GAD2: variants seen among roughly 807,000 people sequenced by gnomAD.
GAD2 encodes 65 kDa glutamic acid decarboxylase.
Under a neutral mutation model 80.1 loss-of-function variants are expected in GAD2, and 22 were observed. The observed-to-expected ratio is 0.27, with a 90% CI of 0.20 to 0.39. GAD2 has a LOEUF of 0.39. GAD2 is among the 10% of genes least tolerant of loss of function. The pLI is 1.00. For synonymous variants in GAD2, 274 were observed against 256.9 expected, an observed-to-expected ratio of 1.07 and a Z score of -0.64; for missense variants, 624 against 738.4, an observed-to-expected ratio of 0.85 and a Z score of 1.80.
rs758705662 is a variant in GAD2, at chr10:26,219,246, C to G, written c.490C>G (p.Gln164Glu). Residue 164 changes from glutamine (Q) to glutamate (E), a missense_variant, in exon 4 of 16, where the codon CAA (glutamine) becomes GAA (glutamate). Gln to Glu is a conservative substitution (Grantham distance 29, BLOSUM62 2). Coordinates refer to ENST00000376261, the MANE Select transcript of GAD2 (RefSeq NM_001134366.2). ...QNLEEILMHC[Q>E]TTLKYAIKTG... ...TTTGGAGGAAATTTTGATGCATTGCCAAACAACTCTAAAATATGCAATTAA... is the reference window on the plus strand; with the variant it reads ...TTTGGAGGAAATTTTGATGCATTGCGAAACAACTCTAAAATATGCAATTAA... 3 of 1,611,416 alleles carry G rather than the reference C, an allele frequency of 1.9e-6. No homozygotes were observed. In the Admixed American group the frequency reaches 5.0e-5, roughly 27 times the overall value.
rs183294587 is a variant in GAD2 at position 26,237,413 on chromosome 10, G to A, written c.840+7636G>A. 4.6e-5 allele frequency among the ~76,000 whole-genome samples: 7 copies of A among 152,088 alleles called. No individual in the cohort carries two copies. In the South Asian group the frequency reaches 6.2e-4, roughly 14 times the overall value. On this transcript the variant is annotated intron_variant, in intron 7 of 15. Coordinates refer to ENST00000376261, the MANE Select transcript of GAD2 (RefSeq NM_001134366.2). ...ATGGGGATGATGATACCCAGCTCCCGTAGCTGTGGGGAGGATGAAGCAAGA... is the reference window on the plus strand; with the variant it reads ...ATGGGGATGATGATACCCAGCTCCCATAGCTGTGGGGAGGATGAAGCAAGA...
intron 11 of GAD2, among the ~76,000 whole-genome samples, chr10:26,280,353 C>T (rs2132311676): frequency 6.6e-6 from 1 of 152,290 alleles, no homozygotes; most frequent in East Asian, 1.9e-4. Flanking sequence ...GTGGTCAGAG[C>T]ACAGTTTGGT....
At chr10:26,300,696 T>A (rs928197) in intron 15 of GAD2, 92 bp from the exon 16 acceptor site, 241,856 of 1,204,716 alleles carry the variant, frequency 0.2, 25,604 homozygotes, top group African/African-American at 0.32. Flanking sequence ...ACTGTTGAGC[T>A]AAAAACTAAA....
chr10:26,274,091 C>T (rs1160039932), intron 11 of GAD2, among the ~76,000 whole-genome samples: 1 of 152,040 alleles, frequency 6.6e-6, no homozygotes, highest in Non-Finnish European at 1.5e-5. Context: ...ATAATATCCA[C>T]TGCTTAAAAA....
chr10:26,217,570 C>T lies in GAD2; in HGVS notation c.77-40C>T, dbSNP rs747933862. ...ATTTCACACGTCCGTCTGTTGTTCTCTTTCTGCCTCGCTGTCTGCCTGCCT... is the reference window on the plus strand; with the variant it reads ...ATTTCACACGTCCGTCTGTTGTTCTTTTTCTGCCTCGCTGTCTGCCTGCCT... On this transcript the variant is annotated intron_variant, in intron 1 of 15. Coordinates refer to ENST00000376261, the MANE Select transcript of GAD2 (RefSeq NM_001134366.2). This position sits in a 1 kb window ranked among gnomAD's most constrained non-coding sequence, Gnocchi z 4.9. The T allele has an allele frequency of 6.3e-6, 10 of 1,586,998 alleles. No individual in the cohort carries two copies. The highest frequency in any genetic ancestry group is 3.3e-4 in the Middle Eastern group (2 of 6,030).
intron 7 of GAD2, 24 bp downstream of exon 7, chr10:26,229,801 G>A (rs1473258467): frequency 6.4e-7 from 1 of 1,551,196 alleles, no homozygotes. Flanking sequence ...TTCCTTGCAA[G>A]TTTAAGGTTA....
chr10:26,269,122 G>T lies in GAD2; in HGVS notation c.924G>T (p.Gly308=). Reference sequence around the variant, plus strand: ...CTATATTTCTTTTTCCTTCCAGAGGGAAAATGATTCCATCTGATCTTGAAA... The same window carrying T: ...CTATATTTCTTTTTCCTTCCAGAGGTAAAATGATTCCATCTGATCTTGAAA... The part of the protein sequence containing the change: ...SVILIKCDER[G]KMIPSDLERR... The change falls in exon 9 of 16, where the codon GGG becomes GGT. Residue 308 remains glycine (G), a synonymous_variant. Transcript: ENST00000376261. 1.3e-6 allele frequency: 2 copies of T among 1,589,788 alleles called. No individual in the cohort carries two copies. The highest frequency in any genetic ancestry group is 1.7e-6 in the Non-Finnish European group (2 of 1,167,192).
At chr10:26,266,870 A>G (rs1845080176) in intron 8 of GAD2, among the ~76,000 whole-genome samples, 1 of 152,172 alleles carries the variant, frequency 6.6e-6, no homozygotes, top group Non-Finnish European at 1.5e-5. Context: ...TATGTTTGGC[A>G]CCTTTGAGTT....
At chr10:26,250,789 C>T (rs1175353339) in intron 8 of GAD2, among the ~76,000 whole-genome samples, 4 of 151,638 alleles carry the variant, frequency 2.6e-5, no homozygotes, top group Admixed American at 2.6e-4. Flanking sequence ...CATAGTTCCA[C>T]TGTACAAAGA....
chr10:26,257,415 C>T (rs747915952), intron 8 of GAD2, among the ~76,000 whole-genome samples: 6 of 152,152 alleles, frequency 3.9e-5, no homozygotes, highest in Non-Finnish European at 8.8e-5. Context: ...CACCTTCTTC[C>T]ACTCATTCTC....
chr10:26,289,133 A>G (rs1230367955), intron 13 of GAD2, among the ~76,000 whole-genome samples: 1 of 152,100 alleles, frequency 6.6e-6, no homozygotes, highest in Non-Finnish European at 1.5e-5. Context: ...GCTAAGTCCT[A>G]CAATCTAGAT....
At chr10:26,253,949 G>A (rs1424736733) in intron 8 of GAD2, among the ~76,000 whole-genome samples, 2 of 152,122 alleles carry the variant, frequency 1.3e-5, no homozygotes, top group African/African-American at 4.8e-5. Flanking sequence ...AGGGGCGGGG[G>A]TGGCAGATGG....
intron 13 of GAD2, among the ~76,000 whole-genome samples, chr10:26,287,310 G>A (rs1017687460): frequency 1.3e-5 from 2 of 152,152 alleles, no homozygotes; most frequent in South Asian, 4.2e-4. Context: ...AAGAGAGTTC[G>A]AGGAAACCTG....
chr10:26,267,289 A>C (rs993962620), intron 8 of GAD2, among the ~76,000 whole-genome samples: 9 of 152,224 alleles, frequency 5.9e-5, no homozygotes, highest in Non-Finnish European at 1.0e-4. Context: ...TGTGCTTTAA[A>C]CTTTATGTAA....
intron 6 of GAD2, among the ~76,000 whole-genome samples, chr10:26,227,339 T>C (rs1481713228): frequency 6.6e-6 from 1 of 152,236 alleles, no homozygotes; most frequent in East Asian, 1.9e-4. Context: ...CTCATGCCTC[T>C]GTTACACAAA....
intron 8 of GAD2, among the ~76,000 whole-genome samples, 193 bp downstream of exon 8, chr10:26,246,193 C>A (rs934942836): frequency 1.3e-5 from 2 of 152,180 alleles, no homozygotes; most frequent in African/African-American, 4.8e-5. Context: ...TGCCATGGAG[C>A]CTTCCACAGC....
chr10:26,256,241 A>G (rs1416968515), intron 8 of GAD2, among the ~76,000 whole-genome samples: 5 of 151,698 alleles, frequency 3.3e-5, no homozygotes, highest in Non-Finnish European at 7.4e-5. Context: ...GTATGTATAT[A>G]TGCATATTAT....
chr10:26,247,032 G>A (rs1257542704), intron 8 of GAD2, among the ~76,000 whole-genome samples: 1 of 152,162 alleles, frequency 6.6e-6, no homozygotes, highest in Non-Finnish European at 1.5e-5. Context: ...GCGCAAGAAG[G>A]AATTCAGGGT....
At chr10:26,265,299 G>A (rs563010048) in intron 8 of GAD2, among the ~76,000 whole-genome samples, 1 of 151,654 alleles carries the variant, frequency 6.6e-6, no homozygotes, top group African/African-American at 2.4e-5. Flanking sequence ...CACCTCCCGG[G>A]TTCAAGCAAT....
Sources: gnomAD v4.1 joint callset for allele counts (sites outside exome capture counted in the v4.1 genomes callset) on GRCh38, gnomAD v4.1.1 for gene constraint, Gnocchi (gnomAD v3.1) non-coding constraint, MANE v1.5 for transcripts, NCBI Gene and HGNC (gene_info 2026-07-23, HGNC 2026-07-21) for gene names.